The following PRKD1 variants were observed in gnomAD, a reference collection of about 807,000 sequenced individuals.
The protein encoded by PRKD1 is serine/threonine-protein kinase D1.
In PRKD1, 63 loss-of-function variants were observed where a neutral mutation model predicts 95.9. The ratio of observed to expected loss-of-function variants is 0.66; its 90% CI spans 0.54 to 0.81. The LOEUF is 0.81. Ranked by LOEUF, PRKD1 falls within the 30% of genes least tolerant of loss-of-function variation. The pLI is 0.00. For synonymous variants in PRKD1, 425 were observed against 423.1 expected, an observed-to-expected ratio of 1.00 and a Z score of -0.05; for missense variants, 1,048 against 1,165.3, an observed-to-expected ratio of 0.90 and a Z score of 1.47.
At chr14:29,613,366 C>T (rs1878615319) in intron 13 of PRKD1, among the ~76,000 whole-genome samples, 1 of 152,186 alleles carries the variant, frequency 6.6e-6, no homozygotes, top group Admixed American at 6.5e-5. Flanking sequence ...CTCCTCTCTA[C>T]TTACTCCTGA....
chr14:29,728,833 G>C (rs979140751), intron 1 of PRKD1, among the ~76,000 whole-genome samples: 1 of 152,038 alleles, frequency 6.6e-6, no homozygotes, highest in South Asian at 2.1e-4. Flanking sequence ...ATTCATGTTT[G>C]AGCTGTATGT....
At chr14:29,875,260 C>A (rs1385666033) in intron 1 of PRKD1, among the ~76,000 whole-genome samples, 3 of 151,926 alleles carry the variant, frequency 2.0e-5, no homozygotes, top group Non-Finnish European at 4.4e-5. Flanking sequence ...GGGAAGTACA[C>A]AAAAGCCCAG....
Position 29,632,964 on chromosome 14 carries a change from T to A in PRKD1, c.1315-18A>T. ...CGTTTCCGCTGAAACAGAAGTTAGA[T>A]CCAAGATCTTTTTAAAAAACTTTAA... On this transcript the variant is annotated intron_variant, in intron 8 of 17. Transcript: ENST00000331968. The A allele has an allele frequency of 6.2e-7, 1 of 1,600,294 alleles. No homozygotes were observed. The highest frequency in any genetic ancestry group is 8.6e-7 in the Non-Finnish European group (1 of 1,167,772).
chr14:29,765,246 C>T (rs1332787295), intron 1 of PRKD1, among the ~76,000 whole-genome samples: 1 of 152,124 alleles, frequency 6.6e-6, no homozygotes, highest in Non-Finnish European at 1.5e-5. Flanking sequence ...TTTACATAAA[C>T]ACTTCACAAA....
chr14:29,742,093 A>G (rs1316515591), intron 1 of PRKD1, among the ~76,000 whole-genome samples: 1 of 152,178 alleles, frequency 6.6e-6, no homozygotes, highest in Non-Finnish European at 1.5e-5. Flanking sequence ...TGATAAGTGG[A>G]CAGTGCATCT....
At chr14:29,863,671 T>G (rs1399222264) in intron 1 of PRKD1, among the ~76,000 whole-genome samples, 2 of 152,070 alleles carry the variant, frequency 1.3e-5, no homozygotes, top group Non-Finnish European at 2.9e-5. Flanking sequence ...AAAGATATAA[T>G]GAAAAATTAA....
At chr14:29,810,116 TTTTGG>T (rs1488685520) in intron 1 of PRKD1, among the ~76,000 whole-genome samples, 3 of 152,284 alleles carry the variant, frequency 2.0e-5, no homozygotes, top group African/African-American at 7.2e-5. Flanking sequence ...TGGGCACAAT[TTTTGG>T]TATATCAAAA....
chr14:29,634,532 T>C lies in PRKD1; in HGVS notation c.1200A>G (p.Thr400=), dbSNP rs541681283. Residue 400 remains threonine, a synonymous_variant, in exon 8 of 18, where the codon ACA becomes ACG. Coordinates refer to ENST00000331968, the MANE Select transcript of PRKD1 (RefSeq NM_002742.3). ...CCCTCATGAGTGGGATATTGTTGCT[T>C]GTTGATGGACTTGAGAAGTCAAAAT... is the stretch of plus-strand genomic sequence containing the variant. The part of the protein sequence containing the change: ...EDANRTISPS[T]SNNIPLMRVV... 41 of 1,613,900 alleles carry C rather than the reference T, an allele frequency of 2.5e-5. No homozygotes were observed. Among genetic ancestry groups the C allele is most frequent in the Non-Finnish European group, 3.4e-5 (40 of 1,179,920 alleles).
intron 1 of PRKD1, among the ~76,000 whole-genome samples, chr14:29,837,197 A>C (rs1320013191): frequency 1.3e-5 from 2 of 152,160 alleles, no homozygotes; most frequent in Non-Finnish European, 1.5e-5. Flanking sequence ...TCTTTCTCAT[A>C]AGGTGTTTTT....
At chr14:29,846,999 G>A (rs1030626990) in intron 1 of PRKD1, among the ~76,000 whole-genome samples, 55 of 152,136 alleles carry the variant, frequency 3.6e-4, no homozygotes, top group African/African-American at 1.2e-3. Context: ...CTGCAGGGTC[G>A]ATAGCCAAAT....
chr14:29,780,092 A>G (rs1434824573), intron 1 of PRKD1, among the ~76,000 whole-genome samples: 2 of 152,228 alleles, frequency 1.3e-5, no homozygotes, highest in Admixed American at 1.3e-4. Context: ...CATATGTAGA[A>G]AGCTGAAACT....
rs774297165 is a variant in PRKD1, at chr14:29,636,436, A to G, written c.1044T>C (p.Asn348=). Residue 348 remains asparagine (N), a synonymous_variant, in exon 7 of 18, where the codon AAT becomes AAC. Transcript: ENST00000331968. The part of the protein sequence containing the change: ...DVVMEEGSDD[N]DSERNSGLMD... ...TGAGCCCACTGTTCCTTTCACTATCATTGTCATCACTCCCTTCTTCCATGA... is the reference window on the plus strand; with the variant it reads ...TGAGCCCACTGTTCCTTTCACTATCGTTGTCATCACTCCCTTCTTCCATGA... 6.2e-7 allele frequency: 1 copy of G among 1,613,994 alleles called. No homozygotes were observed. Among genetic ancestry groups the G allele is most frequent in the Non-Finnish European group, 8.5e-7 (1 of 1,180,014 alleles).
chr14:29,608,235 A>G (rs549819038), intron 13 of PRKD1, among the ~76,000 whole-genome samples: 5 of 152,124 alleles, frequency 3.3e-5, no homozygotes, highest in Non-Finnish European at 5.9e-5. Flanking sequence ...AGGGCTTCAT[A>G]TTTTATTGGA....
chr14:29,787,052 G>A (rs1004898216), intron 1 of PRKD1, among the ~76,000 whole-genome samples: 8 of 151,792 alleles, frequency 5.3e-5, no homozygotes, highest in East Asian at 1.9e-4. Context: ...GTTCCGAGAC[G>A]TTTTTAAATT....
intron 1 of PRKD1, among the ~76,000 whole-genome samples, chr14:29,905,596 T>C (rs1306402004): frequency 6.6e-6 from 1 of 152,108 alleles, no homozygotes. Context: ...AGCCTTGTAA[T>C]AAGTATCTCA....
At chr14:29,824,211 C>T (rs1038802067) in intron 1 of PRKD1, among the ~76,000 whole-genome samples, 1 of 152,148 alleles carries the variant, frequency 6.6e-6, no homozygotes, top group African/African-American at 2.4e-5. Context: ...GAGAAACAGC[C>T]TCTGTCACAC....
chr14:29,648,491 A>C (rs1881280283), intron 4 of PRKD1, among the ~76,000 whole-genome samples: 1 of 152,214 alleles, frequency 6.6e-6, no homozygotes, highest in East Asian at 1.9e-4. Flanking sequence ...TAGAGTCTTT[A>C]AATTATTGAA....
At chr14:29,863,853 GAGTTTT>G (rs1892793053) in intron 1 of PRKD1, among the ~76,000 whole-genome samples, 1 of 151,994 alleles carries the variant, frequency 6.6e-6, no homozygotes, top group Admixed American at 6.6e-5. Context: ...AGAGCATACA[GAGTTTT>G]TCAAAGAATC....
chr14:29,780,657 G>A lies in PRKD1; in HGVS notation c.265-54983C>T, dbSNP rs527254464. ...GGAAACAACAGGTGTTGGAGAGGAT[G>A]TGGAGAAATAAGAACACTTTTACAT... On this transcript the variant is annotated intron_variant, in intron 1 of 17. Transcript: ENST00000331968. Among the ~76,000 whole-genome samples, 436 of 152,326 alleles carry A rather than the reference G, an allele frequency of 2.9e-3. 2 individuals carry two copies. The highest frequency in any genetic ancestry group is 0.024 in the South Asian group (115 of 4,830).
Sources: gnomAD v4.1 joint callset for allele counts (sites outside exome capture counted in the v4.1 genomes callset) on GRCh38, gnomAD v4.1.1 for gene constraint, MANE v1.5 for transcripts, NCBI Gene and HGNC (gene_info 2026-07-23, HGNC 2026-07-21) for gene names.